TNRC18: variants seen among roughly 807,000 people sequenced by gnomAD.
The protein encoded by TNRC18 is trinucleotide repeat containing 18.
A neutral mutation model predicts 226.7 loss-of-function variants in TNRC18; 69 were observed. That is an observed-to-expected ratio of 0.30 (90% confidence interval 0.25 to 0.37). The LOEUF (loss-of-function observed/expected upper bound fraction) is 0.37. Ranked by LOEUF, TNRC18 falls within the 10% of genes least tolerant of loss-of-function variation. The pLI is 1.00. For synonymous variants in TNRC18, 2,449 were observed against 1,927.6 expected (o/e 1.27, Z -7.09); for missense variants, 4,754 against 4,256.6 (o/e 1.12, Z -3.25).
Position 5,374,109 on chromosome 7 carries a change from T to C in TNRC18, c.3175A>G (p.Lys1059Glu), listed in dbSNP as rs1401996197. 3 of 1,577,386 alleles carry C rather than the reference T, an allele frequency of 1.9e-6. No individual in the cohort carries two copies. Among genetic ancestry groups the C allele is most frequent in the South Asian group, 1.1e-5 (1 of 87,556 alleles). The change falls in exon 10 of 30, where the codon AAA (lysine) becomes GAA (glutamate). Residue 1059 changes from lysine to glutamate, a missense_variant. Coordinates refer to ENST00000430969, the MANE Select transcript of TNRC18 (RefSeq NM_001080495.3). ...GCTTCCTTCTCCAACTCCAAGTCTT[T>C]CTTCTCGACCACATTCTCGGGAGCC... ...EEAPENVVEK[K>E]DLELEKEAPS...
At position 5,313,614 on chromosome 7, in the gene TNRC18, G is replaced by A. The variant is rs772138257; in HGVS notation, c.7277C>T (p.Pro2426Leu). 1.2e-6 allele frequency: 2 copies of A among 1,603,468 alleles called. No individual in the cohort carries two copies. The highest frequency in any genetic ancestry group is 1.7e-6 in the Non-Finnish European group (2 of 1,176,066). ...GCGTGTGGCAGGCATGGTGATGAGGGGTGCTGGGGCCAGGGAGGTGGCAGG... is the reference window on the plus strand; with the variant it reads ...GCGTGTGGCAGGCATGGTGATGAGGAGTGCTGGGGCCAGGGAGGTGGCAGG... Reference protein sequence around the residue: ...PAPATSLAPAPLITMPATRPK... With the variant: ...PAPATSLAPALLITMPATRPK... The change falls in exon 27 of 30, where the codon CCC becomes CTC. Residue 2426 changes from proline to leucine, a missense_variant. By Grantham distance (98) the Pro-to-Leu change is moderately conservative. Coordinates refer to ENST00000430969, the MANE Select transcript of TNRC18 (RefSeq NM_001080495.3).
intron 14 of TNRC18, among the ~76,000 whole-genome samples, chr7:5,360,556 A>T (rs1264293185): frequency 6.6e-6 from 1 of 152,070 alleles, no homozygotes; most frequent in Non-Finnish European, 1.5e-5. Context: ...TATAGATGAG[A>T]AAACAGGCTC....
chr7:5,343,565 G>A (rs942718308), intron 18 of TNRC18, among the ~76,000 whole-genome samples: 2 of 152,072 alleles, frequency 1.3e-5, no homozygotes, highest in African/African-American at 4.8e-5. Flanking sequence ...TGGGACCAGA[G>A]GCGCATGCTA....
intron 19 of TNRC18, 121 bp from the exon 20 acceptor site, chr7:5,325,369 G>A: frequency 1.8e-6 from 2 of 1,086,268 alleles, no homozygotes; most frequent in East Asian, 2.9e-5. Flanking sequence ...CCTCCCAGGA[G>A]GAACAAAACA....
intron 16 of TNRC18, among the ~76,000 whole-genome samples, chr7:5,356,106 G>T (rs570561801): frequency 6.6e-6 from 1 of 151,438 alleles, no homozygotes; most frequent in South Asian, 2.1e-4. Context: ...AGAAGTTGCA[G>T]TGAGCCAAGA....
rs1225829781 is a variant in TNRC18 at position 5,377,241 on chromosome 7, C to T, written c.2461+130G>A. ...AGGCCATTATCATTCCTTCTTCCGA[C>T]GAATGCGGGAGGCAGGCCCAGGCCC... is the stretch of plus-strand genomic sequence containing the variant. On this transcript the variant is annotated intron_variant, in intron 7 of 29. Transcript: ENST00000430969. This position sits in a 1 kb window ranked among gnomAD's most constrained non-coding sequence, Gnocchi z 5.8. The T allele has an allele frequency of 2.6e-6, 3 of 1,148,344 alleles. No homozygotes were observed. The highest frequency in any genetic ancestry group is 2.9e-5 in the Admixed American group (1 of 34,534). 71.1% of individuals were successfully genotyped at this position (1,148,344 alleles called of 1,614,324 possible).
At chr7:5,372,437 A>G (rs1794251439) in intron 10 of TNRC18, among the ~76,000 whole-genome samples, 1 of 151,148 alleles carries the variant, frequency 6.6e-6, no homozygotes, top group Non-Finnish European at 1.5e-5. Flanking sequence ...TGGTCAGGCC[A>G]GTCTCAAACT....
In TNRC18 at chr7:5,377,818, T is replaced by C. The variant is rs1297436931; in HGVS notation, c.2255+104A>G. The C allele has an allele frequency of 1.7e-6, 2 of 1,151,650 alleles. No individual in the cohort carries two copies. Among genetic ancestry groups the C allele is most frequent in the African/African-American group, 3.0e-5 (2 of 66,102 alleles). 71.3% of individuals were successfully genotyped at this position (1,151,650 alleles called of 1,614,324 possible). On this transcript the variant is annotated intron_variant, in intron 6 of 29. Coordinates refer to ENST00000430969, the MANE Select transcript of TNRC18 (RefSeq NM_001080495.3). This position sits in a 1 kb window ranked among gnomAD's most constrained non-coding sequence, Gnocchi z 5.8. ...GACTCCCGCTCTCAGTACCATAGCA[T>C]CCATGGTCGAGGGGCCAAGCCCACC...
intron 2 of TNRC18, among the ~76,000 whole-genome samples, chr7:5,401,366 G>A (rs889550410): frequency 1.4e-4 from 21 of 152,144 alleles, no homozygotes; most frequent in Non-Finnish European, 2.2e-4. Flanking sequence ...CCCTGAATCA[G>A]GTCCTCCCTC....
rs902186140 is a variant in TNRC18 at position 5,306,815 on chromosome 7, CTTTT to C, written c.*1287_*1290del. ...TTTTATTTTTCCAATTAAATCTTTT[CTTTT>C]TTTTTATGAAAAAAGATCACACAGA... On this transcript the variant is annotated 3_prime_UTR_variant, in exon 30 of 30. Coordinates refer to ENST00000430969, the MANE Select transcript of TNRC18 (RefSeq NM_001080495.3). 4.6e-5 allele frequency: 7 copies of C among 150,990 alleles called. No individual in the cohort carries two copies. The highest frequency in any genetic ancestry group is 1.0e-4 in the Non-Finnish European group (7 of 67,754). The allele number at this position is 150,990 out of a possible 1,614,324, so 9.4% of individuals were successfully genotyped here. A position where few individuals can be genotyped will look rare whatever the true frequency, so the allele number is the denominator to read the frequency against.
In TNRC18 at chr7:5,352,054, C is replaced by T. The variant is rs1562531631; in HGVS notation, c.5235G>A (p.Glu1745=). ...SEEDEEFLKD[E]WPAQGPSSSK... ...AGCTGGAGGGGCCTTGGGCGGGCCA[C>T]TCGTCCTTCAGGAATTCTTCGTCTT... Residue 1745 remains glutamate, a synonymous_variant, in exon 17 of 30, where the codon GAG becomes GAA. Transcript: ENST00000430969. The T allele has an allele frequency of 6.2e-7, 1 of 1,611,968 alleles. No homozygotes were observed. The highest frequency in any genetic ancestry group is 1.3e-5 in the African/African-American group (1 of 74,972).
chr7:5,337,763 T>A (rs1430249391), intron 18 of TNRC18, among the ~76,000 whole-genome samples: 1 of 152,058 alleles, frequency 6.6e-6, no homozygotes, highest in Non-Finnish European at 1.5e-5. Flanking sequence ...GGCGGGTGGA[T>A]CATGAGCTCA....
rs779623816 is a variant in TNRC18, at chr7:5,361,881, C to CG, written c.4532+15dup. 6.5e-7 allele frequency: 1 copy of CG among 1,538,832 alleles called. No individual in the cohort carries two copies. The highest frequency in any genetic ancestry group is 1.2e-5 in the South Asian group (1 of 82,882). Reference sequence around the variant, plus strand: ...CGGGGCAGGGGCCCCACGGGGCGGGCGGGGGACACACTCACTCGGAGTCCC... The same window carrying CG: ...CGGGGCAGGGGCCCCACGGGGCGGGCGGGGGGACACACTCACTCGGAGTCCC... On this transcript the variant is annotated intron_variant, in intron 13 of 29. Coordinates refer to ENST00000430969, the MANE Select transcript of TNRC18 (RefSeq NM_001080495.3).
chr7:5,310,670 G>T (rs556451723), intron 27 of TNRC18, among the ~76,000 whole-genome samples: 78 of 152,354 alleles, frequency 5.1e-4, no homozygotes, highest in Non-Finnish European at 3.7e-4. Flanking sequence ...AAAGTGCTGG[G>T]ATTACAGACT....
Position 5,390,613 on chromosome 7 carries a change from G to C in TNRC18, c.359C>G (p.Pro120Arg). ...AHAHEGFSHL[P>R]SGLYPSYLHL... The stretch of plus-strand genomic sequence containing the variant: ...GAGGTAGGATGGGTACAGCCCACTG[G>C]GCAGGTGGGAGAAGCCTGTAACAGA... The change falls in exon 4 of 30, where the codon CCC (proline) becomes CGC (arginine). Residue 120 changes from proline to arginine, a missense_variant. By Grantham distance (103) the Pro-to-Arg change is moderately radical. Coordinates refer to ENST00000430969, the MANE Select transcript of TNRC18 (RefSeq NM_001080495.3). 6.3e-7 allele frequency: 1 copy of C among 1,585,770 alleles called. No homozygotes were observed. The highest frequency in any genetic ancestry group is 8.6e-7 in the Non-Finnish European group (1 of 1,165,792).
chr7:5,318,126 C>G (rs1251805249), intron 24 of TNRC18, among the ~76,000 whole-genome samples: 1 of 152,130 alleles, frequency 6.6e-6, no homozygotes, highest in Non-Finnish European at 1.5e-5. Context: ...CCCACCTTGG[C>G]CTCCCAAAGT....
At chr7:5,382,827 G>A (rs1018990705) in intron 5 of TNRC18, among the ~76,000 whole-genome samples, 3 of 152,114 alleles carry the variant, frequency 2.0e-5, no homozygotes, top group Non-Finnish European at 4.4e-5. Context: ...CTCTGCACAG[G>A]TCCACGCCCT....
chr7:5,413,726 C>T (rs1295256290), intron 2 of TNRC18, among the ~76,000 whole-genome samples: 1 of 152,168 alleles, frequency 6.6e-6, no homozygotes, highest in Non-Finnish European at 1.5e-5. Flanking sequence ...AAGACAAGGT[C>T]TTGCTATGTT....
chr7:5,378,033 G>T lies in TNRC18; in HGVS notation c.2153-9C>A. The T allele has an allele frequency of 6.2e-7, 1 of 1,606,532 alleles. No individual in the cohort carries two copies. ...ATCTGCTCGGCCGTGCCCTGCAGGGGGCCAGGTGGAAGTGAGCCCCCAGCC... is the reference window on the plus strand; with the variant it reads ...ATCTGCTCGGCCGTGCCCTGCAGGGTGCCAGGTGGAAGTGAGCCCCCAGCC... On this transcript the variant is annotated splice_polypyrimidine_tract_variant and intron_variant, in intron 5 of 29. Transcript: ENST00000430969.
Sources: allele counts gnomAD v4.1 joint callset (sites outside exome capture counted in the v4.1 genomes callset), GRCh38; gene constraint gnomAD v4.1.1; non-coding constraint Gnocchi (gnomAD v3.1); transcripts MANE v1.5; gene names NCBI Gene and HGNC (gene_info 2026-07-23, HGNC 2026-07-21).